The following RPTOR variants were observed in gnomAD, a reference collection of about 807,000 sequenced individuals.
The protein encoded by RPTOR is regulatory associated protein of MTOR complex 1.
Under a neutral mutation model 169.9 loss-of-function variants are expected in RPTOR, and 21 were observed. That is an observed-to-expected ratio of 0.12 (90% confidence interval 0.09 to 0.18). RPTOR has a LOEUF of 0.18. RPTOR is among the 10% of genes least tolerant of loss of function. RPTOR has a pLI of 1.00. For missense variants in RPTOR, 1,133 were observed against 1,855.9 expected (o/e 0.61, Z 7.16); for synonymous variants, 732 against 753.2 (o/e 0.97, Z 0.46).
chr17:80,960,009 C>T lies in RPTOR; in HGVS notation c.3478-69C>T, dbSNP rs373875827. ...AGGCAGGCAGCAAGAGGGGTCCTGG[C>T]GCTGCAGGACAGCAGGGAGGGTGGC... On this transcript the variant is annotated intron_variant, in intron 29 of 33. Coordinates refer to ENST00000306801, the MANE Select transcript of RPTOR (RefSeq NM_020761.3). This position sits in a 1 kb window ranked among gnomAD's most constrained non-coding sequence, Gnocchi z 4.8. The T allele has an allele frequency of 5.9e-4, 937 of 1,581,746 alleles. 2 individuals are homozygous for T. In the African/African-American group the frequency reaches 7.9e-3, roughly 13 times the overall value.
chr17:80,707,908 G>A lies in RPTOR; in HGVS notation c.416G>A (p.Arg139His), dbSNP rs767783333. The part of the protein sequence containing the change: ...EVKKLCTSLR[R>H]NAKEERVLFH... Reference sequence around the variant, plus strand: ...AAGAAGCTCTGCACGTCCTTACGTCGCAACGCCAAGGAGGAGCGAGTCCTC... The same window carrying A: ...AAGAAGCTCTGCACGTCCTTACGTCACAACGCCAAGGAGGAGCGAGTCCTC... The change falls in exon 4 of 34, where the codon CGC becomes CAC. Residue 139 changes from arginine (R) to histidine (H), a missense_variant. Physicochemically the swap from Arg to His is conservative, Grantham distance 29. This residue lies in a region of RPTOR where 74 missense variants were observed against 168.3 expected (regional missense o/e 0.44). Transcript: ENST00000306801. The surrounding 1 kb of genome is among the most constrained non-coding windows in gnomAD (Gnocchi z 5.0). 3 of 1,613,918 alleles carry A rather than the reference G, an allele frequency of 1.9e-6. No individual in the cohort carries two copies. The highest frequency in any genetic ancestry group is 1.7e-5 in the Admixed American group (1 of 59,992).
chr17:80,685,650 T>TTTTTTTTTA (rs2065941138), intron 3 of RPTOR, among the ~76,000 whole-genome samples: 1 of 93,250 alleles, frequency 1.1e-5, no homozygotes, highest in Non-Finnish European at 2.1e-5. Context: ...TTTTTTTTTT[T>TTTTTTTTTA]TTTTTTTGCT....
rs1799361072 is a variant in RPTOR at position 80,845,347 on chromosome 17, C to T, written c.1213-1126C>T. 6.6e-6 allele frequency among the ~76,000 whole-genome samples: 1 copy of T among 152,094 alleles called. No individual in the cohort carries two copies. The highest frequency in any genetic ancestry group is 2.1e-4 in the South Asian group (1 of 4,816). On this transcript the variant is annotated intron_variant, in intron 10 of 33. Coordinates refer to ENST00000306801, the MANE Select transcript of RPTOR (RefSeq NM_020761.3). The surrounding 1 kb of genome is among the most constrained non-coding windows in gnomAD (Gnocchi z 5.4). ...ACCCCAAGCATTTTTTTTGGTCTCC[C>T]TCACCCGCGCGCCTTCTCTGTCCAG... is the stretch of plus-strand genomic sequence containing the variant.
Position 80,823,349 on chromosome 17 carries a change from AC to A in RPTOR, c.1136+127del. ...AACTTGGGGACCCCGTGTAGCATTA[AC>A]AAGTGAAGCTAAATGCAGGGCTCCC... On this transcript the variant is annotated intron_variant, in intron 9 of 33. Coordinates refer to ENST00000306801, the MANE Select transcript of RPTOR (RefSeq NM_020761.3). This position sits in a 1 kb window ranked among gnomAD's most constrained non-coding sequence, Gnocchi z 4.5. 1 of 1,230,136 alleles carries A rather than the reference AC, an allele frequency of 8.1e-7. No homozygotes were observed. The highest frequency in any genetic ancestry group is 1.1e-6 in the Non-Finnish European group (1 of 888,960). The allele number at this position is 1,230,136 out of a possible 1,614,324, so 76.2% of individuals were successfully genotyped here. A position where few individuals can be genotyped will look rare whatever the true frequency, so the allele number is the denominator to read the frequency against.
intron 25 of RPTOR, among the ~76,000 whole-genome samples, chr17:80,945,331 G>A (rs17848711): frequency 0.24 from 35,932 of 151,824 alleles, 4,772 homozygotes; most frequent in Middle Eastern, 0.33. Flanking sequence ...GGTGGCTCAC[G>A]CCTGTAATCC....
At chr17:80,942,730 G>A (rs552263375) in intron 25 of RPTOR, among the ~76,000 whole-genome samples, 7 of 152,372 alleles carry the variant, frequency 4.6e-5, no homozygotes, top group South Asian at 2.1e-4. Flanking sequence ...AGAAGTCGGC[G>A]TCGCCCAGGA....
intron 2 of RPTOR, among the ~76,000 whole-genome samples, chr17:80,634,668 T>TGCGTACTGTGTGTGC (rs2065485840): frequency 7.8e-6 from 1 of 127,684 alleles, no homozygotes; most frequent in East Asian, 2.5e-4. Flanking sequence ...ACTGTGTGTG[T>TGCGTACTGTGTGTGC]GCGTACTGTG....
At position 80,841,287 on chromosome 17, in the gene RPTOR, G is replaced by GCTCACTCTCACCACACAGCAC. The variant is rs1199454277; in HGVS notation, c.1212+3301_1212+3302insCACACAGCACCTCACTCTCAC. On this transcript the variant is annotated intron_variant, in intron 10 of 33. Transcript: ENST00000306801. ...CGCAGCTCACTCTCACCGCACGGCA[G>GCTCACTCTCACCACACAGCAC]CTCACTCTCACAGCACGGCAGCTCA... Among the ~76,000 whole-genome samples the GCTCACTCTCACCACACAGCAC allele has an allele frequency of 4.9e-3, 28 of 5,734 alleles. 6 individuals carry two copies. Among genetic ancestry groups the GCTCACTCTCACCACACAGCAC allele is most frequent in the African/African-American group, 0.032 (26 of 802 alleles). 3.8% of individuals were successfully genotyped at this position (5,734 alleles called of 152,430 possible). A position where few individuals can be genotyped will look rare whatever the true frequency, so the allele number is the denominator to read the frequency against.
At chr17:80,625,644 A>T (rs1380278510) in intron 1 of RPTOR, 47 bp from the exon 2 acceptor site, 2 of 1,379,614 alleles carry the variant, frequency 1.4e-6, no homozygotes, top group African/African-American at 2.8e-5. Context: ...CACATAAACG[A>T]GTTCCATATT....
chr17:80,701,866 A>G (rs1400592479), intron 3 of RPTOR, among the ~76,000 whole-genome samples: 1 of 152,130 alleles, frequency 6.6e-6, no homozygotes, highest in African/African-American at 2.4e-5. Flanking sequence ...AAGACCCACC[A>G]AGTAGAGCCC....
intron 1 of RPTOR, among the ~76,000 whole-genome samples, chr17:80,583,399 CA>C (rs925578804): frequency 6.6e-6 from 1 of 152,076 alleles, no homozygotes; most frequent in Non-Finnish European, 1.5e-5. Flanking sequence ...CCATGTTGGC[CA>C]GGCTGGTCCC....
At chr17:80,689,754 C>G (rs1386743032) in intron 3 of RPTOR, among the ~76,000 whole-genome samples, 1 of 152,154 alleles carries the variant, frequency 6.6e-6, no homozygotes, top group East Asian at 1.9e-4. Context: ...ATTTTTCTTT[C>G]CTTCTTTATG....
intron 3 of RPTOR, among the ~76,000 whole-genome samples, chr17:80,693,664 A>G (rs576944832): frequency 6.6e-6 from 1 of 152,198 alleles, no homozygotes. Context: ...TACTCTCAGC[A>G]TCTGCCAGCC....
intron 20 of RPTOR, among the ~76,000 whole-genome samples, chr17:80,901,392 A>C (rs1323323901): frequency 6.7e-6 from 1 of 150,202 alleles, no homozygotes; most frequent in Non-Finnish European, 1.5e-5. Flanking sequence ...TTTTTTTTTT[A>C]CTGGAGAAAA....
At chr17:80,693,614 T>C (rs2066011212) in intron 3 of RPTOR, among the ~76,000 whole-genome samples, 1 of 152,244 alleles carries the variant, frequency 6.6e-6, no homozygotes, top group Non-Finnish European at 1.5e-5. Context: ...CGAGTTACTG[T>C]GACCTTGTAG....
chr17:80,853,062 C>T (rs1469681491), intron 11 of RPTOR, among the ~76,000 whole-genome samples: 2 of 152,172 alleles, frequency 1.3e-5, no homozygotes, highest in Non-Finnish European at 2.9e-5. Flanking sequence ...GTCAAACCCA[C>T]CCCCTTCCAC....
intron 13 of RPTOR, among the ~76,000 whole-genome samples, chr17:80,871,519 C>T (rs368811733): frequency 1.3e-5 from 2 of 152,256 alleles, no homozygotes; most frequent in Non-Finnish European, 1.5e-5. Context: ...GTGGAGCAGA[C>T]CCGGCTGAGG....
intron 5 of RPTOR, among the ~76,000 whole-genome samples, chr17:80,743,937 A>G (rs1192135232): frequency 1.8e-5 from 1 of 55,424 alleles, no homozygotes; most frequent in East Asian, 4.8e-4. Context: ...AGCCCTGGTT[A>G]CTAGCACAGC....
At chr17:80,702,071 T>C (rs1894027824) in intron 3 of RPTOR, among the ~76,000 whole-genome samples, 1 of 152,138 alleles carries the variant, frequency 6.6e-6, no homozygotes, top group Non-Finnish European at 1.5e-5. Flanking sequence ...CCAATAAAAG[T>C]CTACGTGGAA....
Sources: allele counts gnomAD v4.1 joint callset (sites outside exome capture counted in the v4.1 genomes callset), GRCh38; gene constraint gnomAD v4.1.1; regional missense constraint gnomAD v4.1.1; non-coding constraint Gnocchi (gnomAD v3.1); transcripts MANE v1.5; gene names NCBI Gene and HGNC (gene_info 2026-07-23, HGNC 2026-07-21).